GNB1L: variants seen among roughly 807,000 people sequenced by gnomAD.
GNB1L encodes the protein G protein subunit beta 1 like.
Under a neutral mutation model 29.1 loss-of-function variants are expected in GNB1L, and 20 were observed. That is an observed-to-expected ratio of 0.69 (90% confidence interval 0.48 to 1.00). The LOEUF is 1.00. Ranked by LOEUF, GNB1L falls within the 50% of genes least tolerant of loss-of-function variation. The pLI is 0.00. For synonymous variants in GNB1L, 193 were observed against 206.5 expected (o/e 0.93, Z 0.56); for missense variants, 421 against 464.9 (o/e 0.91, Z 0.87).
At chr22:19,851,915 C>T (rs17745302) in intron 2 of GNB1L, 86,837 of 1,614,012 alleles carry the variant, frequency 0.054, 2,584 homozygotes, top group Non-Finnish European at 0.06. Flanking sequence ...GGCCAAGAAG[C>T]GGTCCAGTAG....
At chr22:19,854,267 C>A (rs1938182804) in intron 2 of GNB1L, among the ~76,000 whole-genome samples, 176 bp downstream of exon 2, 1 of 152,204 alleles carries the variant, frequency 6.6e-6, no homozygotes, top group Non-Finnish European at 1.5e-5. Flanking sequence ...CCAAAGGCAG[C>A]ACCTGGAACG....
intron 2 of GNB1L, chr22:19,852,228 G>A (rs745877517): frequency 1.8e-5 from 29 of 1,611,976 alleles, no homozygotes; most frequent in Non-Finnish European, 2.1e-5. Context: ...ATGGGAATGC[G>A]AGGGCCCTGC....
Position 19,820,666 on chromosome 22 carries a change from G to T in GNB1L, c.186C>A (p.Thr62=). 5 of 1,613,608 alleles carry T rather than the reference G, an allele frequency of 3.1e-6. No individual in the cohort carries two copies. The highest frequency in any genetic ancestry group is 4.2e-6 in the Non-Finnish European group (5 of 1,179,910). The change falls in exon 4 of 8, where the codon ACC becomes ACA. Residue 62 remains threonine, a synonymous_variant. Coordinates refer to ENST00000329517, the MANE Select transcript of GNB1L (RefSeq NM_053004.3). The part of the protein sequence containing the change: ...WSLQTRRAVT[T]LDGHGGQCVT... ...CACACTGGCCGCCGTGGCCATCCAG[G>T]GTGGTAACCGCTCTCCGCGTCTGCA... is the stretch of plus-strand genomic sequence containing the variant.
Position 19,784,812 on chromosome 22 carries a change from A to G in GNB1L, c.*3897T>C, listed in dbSNP as rs935715667. On this transcript the variant is annotated 3_prime_UTR_variant, in exon 8 of 8. Coordinates refer to ENST00000329517, the MANE Select transcript of GNB1L (RefSeq NM_053004.3). ...AATCAGAGGGGCCCACTCCACCTGC[A>G]CCGGAGGCAGCGGCTGGGGATGCTG... The G allele has an allele frequency of 2.0e-5, 3 of 152,194 alleles. No individual in the cohort carries two copies. Among genetic ancestry groups the G allele is most frequent in the African/African-American group, 7.2e-5 (3 of 41,448 alleles). The allele number at this position is 152,194 out of a possible 1,614,324, so 9.4% of individuals were successfully genotyped here. A position where few individuals can be genotyped will look rare whatever the true frequency, so the allele number is the denominator to read the frequency against.
intron 7 of GNB1L, among the ~76,000 whole-genome samples, chr22:19,789,210 C>T (rs1601315942): frequency 6.6e-6 from 1 of 152,194 alleles, no homozygotes; most frequent in Non-Finnish European, 1.5e-5. Flanking sequence ...GACTCCTTCC[C>T]CAGTCAGAGA....
chr22:19,821,397 G>A (rs1002416598), intron 2 of GNB1L, 22 bp from the exon 3 acceptor site: 2 of 1,603,888 alleles, frequency 1.2e-6, no homozygotes, highest in South Asian at 2.2e-5. Flanking sequence ...GGGAGGGCGT[G>A]TGAGTGACTG....
At chr22:19,854,578 G>C (rs898617845) in intron 1 of GNB1L, 39 bp from the exon 2 acceptor site, 1 of 152,680 alleles carries the variant, frequency 6.5e-6, no homozygotes, top group African/African-American at 2.4e-5. Context: ...CGTGAGGCCA[G>C]GCAAGGAGCG....
At chr22:19,792,724 CCACCTTGGTGG>C (rs1937265557) in intron 7 of GNB1L, 2 of 1,506,468 alleles carry the variant, frequency 1.3e-6, no homozygotes, top group Non-Finnish European at 1.8e-6. Flanking sequence ...AACATCGTCA[CCACCTTGGTGG>C]AGAACAAGAA....
chr22:19,820,704 G>T lies in GNB1L; in HGVS notation c.148C>A (p.His50Asn). ...LFSGSQSGLV[H>N]IWSLQTRRAV... ...CTCCGCGTCTGCAGGCTCCAGATGT[G>T]TACCAGGCCACTCTGAGACCTGTTT... Residue 50 changes from histidine to asparagine, a missense_variant, in exon 4 of 8, where the codon CAC becomes AAC. Coordinates refer to ENST00000329517, the MANE Select transcript of GNB1L (RefSeq NM_053004.3). 1 of 1,612,682 alleles carries T rather than the reference G, an allele frequency of 6.2e-7. No homozygotes were observed. Among genetic ancestry groups the T allele is most frequent in the Non-Finnish European group, 8.5e-7 (1 of 1,179,052 alleles).
At chr22:19,835,918 T>C (rs191061745) in intron 2 of GNB1L, among the ~76,000 whole-genome samples, 156 of 152,186 alleles carry the variant, frequency 1.0e-3, no homozygotes, top group African/African-American at 3.6e-3. Flanking sequence ...AAACAGTGCT[T>C]AGAGGGAAAT....
At position 19,825,418 on chromosome 22, in the gene GNB1L, A is replaced by C. The variant is rs139606471; in HGVS notation, c.-20-4043T>G. Among the ~76,000 whole-genome samples the C allele has an allele frequency of 3.9e-4, 60 of 152,150 alleles. No homozygotes were observed. In the East Asian group the frequency reaches 0.011, roughly 28 times the overall value. On this transcript the variant is annotated intron_variant, in intron 2 of 7. Coordinates refer to ENST00000329517, the MANE Select transcript of GNB1L (RefSeq NM_053004.3). ...GAGGATTGCTTGAGCCCAGGAGTTC[A>C]AGACCAGCCTGGGCAACATAGGGAG...
At chr22:19,792,140 A>C (rs1242346944) in intron 7 of GNB1L, among the ~76,000 whole-genome samples, 1 of 152,250 alleles carries the variant, frequency 6.6e-6, no homozygotes, top group Admixed American at 6.5e-5. Flanking sequence ...ACATGCTAAG[A>C]AGCAGGAATA....
chr22:19,794,984 CAATAAAATAAAAT>C (rs908777468), intron 7 of GNB1L, among the ~76,000 whole-genome samples: 3 of 151,926 alleles, frequency 2.0e-5, no homozygotes, highest in African/African-American at 4.8e-5. Context: ...CGTCTCAAAA[CAATAAAATAAAAT>C]AATAAAATAA....
At chr22:19,837,700 A>C (rs7287254) in intron 2 of GNB1L, among the ~76,000 whole-genome samples, 81,532 of 152,084 alleles carry the variant, frequency 0.54, 23,710 homozygotes, top group African/African-American at 0.78. Context: ...AAAACCAGTC[A>C]CATACTGGAG....
In GNB1L at chr22:19,812,389, C is replaced by G. The variant is rs1037735016; in HGVS notation, c.313G>C (p.Val105Leu). Residue 105 changes from valine (V) to leucine (L), a missense_variant, in exon 5 of 8, where the codon GTG becomes CTG. Coordinates refer to ENST00000329517, the MANE Select transcript of GNB1L (RefSeq NM_053004.3). ...WDLAEGRSAVVDSVCLESVGF... is the reference protein window; with the variant it reads ...WDLAEGRSAVLDSVCLESVGF... Reference sequence around the variant, plus strand: ...ACACTCTCCAAGCACACGGAGTCCACGACAGCGCTCCTGCCCTCCGCGAGG... The same window carrying G: ...ACACTCTCCAAGCACACGGAGTCCAGGACAGCGCTCCTGCCCTCCGCGAGG... 3 of 1,613,412 alleles carry G rather than the reference C, an allele frequency of 1.9e-6. No individual in the cohort carries two copies. Among genetic ancestry groups the G allele is most frequent in the Admixed American group, 3.3e-5 (2 of 60,024 alleles).
intron 7 of GNB1L, chr22:19,792,275 C>T: frequency 1.5e-6 from 1 of 667,712 alleles, no homozygotes. Flanking sequence ...ATGAAAGGAG[C>T]TCTCTCCCAC....
intron 5 of GNB1L, among the ~76,000 whole-genome samples, chr22:19,808,316 C>T (rs377293180): frequency 1.6e-4 from 25 of 152,300 alleles, no homozygotes; most frequent in East Asian, 1.3e-3. Context: ...CAGGGGGAGC[C>T]AACCATCTGA....
At chr22:19,796,794 C>T (rs1173772870) in intron 7 of GNB1L, among the ~76,000 whole-genome samples, 4 of 152,158 alleles carry the variant, frequency 2.6e-5, no homozygotes, top group African/African-American at 2.4e-5. Flanking sequence ...ATGGGCTGTG[C>T]ACCTGACCCC....
intron 2 of GNB1L, among the ~76,000 whole-genome samples, chr22:19,839,308 G>C (rs1215641296): frequency 6.6e-6 from 1 of 152,088 alleles, no homozygotes; most frequent in Non-Finnish European, 1.5e-5. Flanking sequence ...ATCTAGGGGG[G>C]ATGATGAATG....
Sources: allele counts gnomAD v4.1 joint callset (sites outside exome capture counted in the v4.1 genomes callset), GRCh38; gene constraint gnomAD v4.1.1; transcripts MANE v1.5; gene names NCBI Gene and HGNC (gene_info 2026-07-23, HGNC 2026-07-21).